Variants in FAM184A observed in about 807,000 individuals in gnomAD.
FAM184A encodes the protein family with sequence similarity 184 member A, also known as protein FAM184A.
FAM184A carries 99 observed loss-of-function variants against 143.8 expected under a neutral mutation model. The ratio of observed to expected loss-of-function variants is 0.69; its 90% CI spans 0.58 to 0.81. The LOEUF (loss-of-function observed/expected upper bound fraction) is 0.81, where lower values mean the gene tolerates loss of function less well. FAM184A is among the 40% of genes least tolerant of loss of function. The probability of loss-of-function intolerance (pLI) is 0.00; values close to 1 mark genes in which losing one functional copy is unlikely to be tolerated. For missense variants in FAM184A, 1,217 were observed against 1,310.5 expected (o/e 0.93, Z 1.10); for synonymous variants, 427 against 446.4 (o/e 0.96, Z 0.55).
intron 1 of FAM184A, among the ~76,000 whole-genome samples, chr6:119,075,635 A>G (rs962138499): frequency 1.3e-5 from 2 of 152,218 alleles, no homozygotes; most frequent in Non-Finnish European, 2.9e-5. Context: ...TTTAATTGTT[A>G]CATTTACAGT....
chr6:119,034,844 C>T (rs935001457), intron 1 of FAM184A, among the ~76,000 whole-genome samples: 16 of 152,244 alleles, frequency 1.1e-4, no homozygotes, highest in African/African-American at 3.9e-4. Context: ...CTATGCTAAA[C>T]TAGTGTTCTT....
At chr6:119,136,569 G>A (rs1411840650) in intron 1 of FAM184A, among the ~76,000 whole-genome samples, 2 of 152,154 alleles carry the variant, frequency 1.3e-5, no homozygotes, top group African/African-American at 2.4e-5. Context: ...TTTTTTGGAA[G>A]TTTATGGACT....
chr6:119,103,682 C>A (rs1052014141), intron 1 of FAM184A, among the ~76,000 whole-genome samples: 1 of 151,896 alleles, frequency 6.6e-6, no homozygotes, highest in Admixed American at 6.6e-5. Flanking sequence ...AATCCTAGCA[C>A]TTTGGGAGGC....
chr6:119,087,905 T>A (rs1048218679), intron 1 of FAM184A, among the ~76,000 whole-genome samples: 17 of 152,342 alleles, frequency 1.1e-4, no homozygotes, highest in Admixed American at 3.3e-4. Context: ...CAACAGAATG[T>A]TATTCAATCT....
intron 9 of FAM184A, among the ~76,000 whole-genome samples, chr6:118,999,970 A>G (rs1784696643): frequency 6.6e-6 from 1 of 152,166 alleles, no homozygotes. Flanking sequence ...TAGATTGTAA[A>G]TTTGTGAAGT....
At chr6:119,033,256 C>T (rs557145682) in intron 1 of FAM184A, among the ~76,000 whole-genome samples, 57 of 152,186 alleles carry the variant, frequency 3.7e-4, no homozygotes, top group African/African-American at 1.3e-3. Context: ...TGGCTTGCTT[C>T]GGAGGTGATG....
At chr6:119,142,183 C>T (rs1470020612) in intron 1 of FAM184A, among the ~76,000 whole-genome samples, 1 of 152,152 alleles carries the variant, frequency 6.6e-6, no homozygotes, top group East Asian at 1.9e-4. Context: ...GGGCGAACAT[C>T]TGAAGACAAT....
At chr6:119,128,185 C>A (rs928594653) in intron 1 of FAM184A, among the ~76,000 whole-genome samples, 3 of 152,154 alleles carry the variant, frequency 2.0e-5, no homozygotes, top group Non-Finnish European at 2.9e-5. Context: ...TGGCTGCTAA[C>A]CCCTGGAAAA....
chr6:119,015,366 C>T (rs1410441948), intron 5 of FAM184A, among the ~76,000 whole-genome samples: 1 of 152,090 alleles, frequency 6.6e-6, no homozygotes, highest in African/African-American at 2.4e-5. Flanking sequence ...GCAGCACTTG[C>T]GGGCCAGCTG....
At chr6:119,147,068 T>G (rs956281303) in intron 1 of FAM184A, among the ~76,000 whole-genome samples, 2 of 123,576 alleles carry the variant, frequency 1.6e-5, no homozygotes, top group East Asian at 2.2e-4. Flanking sequence ...GGCTCTGTTT[T>G]TTTTTTTTTT....
Position 119,011,438 on chromosome 6 carries a change from A to G in FAM184A, c.1531-7T>C. On this transcript the variant is annotated splice_polypyrimidine_tract_variant and splice_region_variant and intron_variant, in intron 5 of 17. Coordinates refer to ENST00000338891, the MANE Select transcript of FAM184A (RefSeq NM_024581.6). ...TATGTTGTTCTTCCAAATCCTTAGA[A>G]AAAGAAATTTTTTAAAAATTAACAA... 2 of 1,492,864 alleles carry G rather than the reference A, an allele frequency of 1.3e-6. No individual in the cohort carries two copies. The highest frequency in any genetic ancestry group is 1.8e-6 in the Non-Finnish European group (2 of 1,099,620). The allele number at this position is 1,492,864 out of a possible 1,614,324, so 92.5% of individuals were successfully genotyped here. A position where few individuals can be genotyped will look rare whatever the true frequency, so the allele number is the denominator to read the frequency against.
intron 1 of FAM184A, among the ~76,000 whole-genome samples, chr6:119,119,056 AATAAGCCCC>A (rs550733034): frequency 8.3e-4 from 127 of 152,306 alleles, no homozygotes; most frequent in Non-Finnish European, 1.6e-3. Context: ...GTAGGGATGA[AATAAGCCCC>A]AGTCTCCCAT....
intron 11 of FAM184A, 103 bp from the exon 12 acceptor site, chr6:118,976,147 C>G: frequency 9.7e-7 from 1 of 1,032,604 alleles, no homozygotes; most frequent in Non-Finnish European, 1.4e-6. Flanking sequence ...AATTAGAACA[C>G]TTGTGTATGT....
rs762867874 is a variant in FAM184A, at chr6:118,976,044, G to T, written c.2456C>A (p.Ala819Asp). The T allele has an allele frequency of 6.2e-7, 1 of 1,609,300 alleles. No homozygotes were observed. Among genetic ancestry groups the T allele is most frequent in the Non-Finnish European group, 8.5e-7 (1 of 1,178,858 alleles). Residue 819 changes from alanine to aspartate, a missense_variant and splice_region_variant, in exon 12 of 18, where the codon GCT becomes GAT. Physicochemically the swap from Ala to Asp is moderately radical, Grantham distance 126. Coordinates refer to ENST00000338891, the MANE Select transcript of FAM184A (RefSeq NM_024581.6). ...ATGGTTGAGTTCTGAGCGCAAGGAA[G>T]CTGGAATTGCAAGGCAAAAATACAT... is the stretch of plus-strand genomic sequence containing the variant. ...ELEDEGKAMLASLRSELNHQH... is the reference protein window; with the variant it reads ...ELEDEGKAMLDSLRSELNHQH...
chr6:119,040,797 C>T (rs1434730835), intron 1 of FAM184A, among the ~76,000 whole-genome samples: 1 of 152,154 alleles, frequency 6.6e-6, no homozygotes, highest in African/African-American at 2.4e-5. Context: ...TTCAATCTGG[C>T]CCTTTTTAAG....
At chr6:119,049,179 G>A (rs932925493) in intron 1 of FAM184A, among the ~76,000 whole-genome samples, 4 of 152,168 alleles carry the variant, frequency 2.6e-5, no homozygotes, top group Admixed American at 1.3e-4. Flanking sequence ...CAGGCGCGGT[G>A]GCTCACGCCT....
chr6:119,063,559 C>A (rs1787336260), intron 1 of FAM184A, among the ~76,000 whole-genome samples: 1 of 152,098 alleles, frequency 6.6e-6, no homozygotes. Context: ...GTTTGCAGTT[C>A]AACCCCAGCT....
At chr6:119,075,231 A>G (rs185242641) in intron 1 of FAM184A, among the ~76,000 whole-genome samples, 28 of 152,352 alleles carry the variant, frequency 1.8e-4, no homozygotes, top group Middle Eastern at 3.4e-3. Flanking sequence ...ATACATTTTT[A>G]AAGAGTTTAG....
rs535191922 is a variant in FAM184A, at chr6:119,009,784, A to T, written c.1653+1525T>A. Among the ~76,000 whole-genome samples the T allele has an allele frequency of 5.9e-5, 9 of 152,268 alleles. No individual in the cohort carries two copies. In the South Asian group the frequency reaches 1.7e-3, roughly 28 times the overall value. ...TGTCTGTCTGTCCATAGTAGTAGGG[A>T]CCATGTCTGACTGACTTATCACTGA... On this transcript the variant is annotated intron_variant, in intron 6 of 17. Transcript: ENST00000338891.
Sources: gnomAD v4.1 joint callset for allele counts (sites outside exome capture counted in the v4.1 genomes callset) on GRCh38, gnomAD v4.1.1 for gene constraint, MANE v1.5 for transcripts, NCBI Gene and HGNC (gene_info 2026-07-23, HGNC 2026-07-21) for gene names.